MYO1D: variants seen among roughly 807,000 people sequenced by gnomAD.
MYO1D encodes the protein myosin ID.
MYO1D carries 83 observed loss-of-function variants against 122.0 expected under a neutral mutation model. The observed-to-expected ratio is 0.68, with a 90% CI of 0.57 to 0.82. MYO1D has a LOEUF of 0.82. Ranked by LOEUF, MYO1D falls within the 40% of genes least tolerant of loss-of-function variation. The pLI, the probability that MYO1D is intolerant of heterozygous loss-of-function variation, is 0.00. For missense variants in MYO1D, 1,157 were observed against 1,269.5 expected (o/e 0.91, Z 1.35); for synonymous variants, 464 against 446.9 (o/e 1.04, Z -0.48).
At chr17:32,770,200 T>C (rs1201859403) in intron 6 of MYO1D, among the ~76,000 whole-genome samples, 2 of 152,198 alleles carry the variant, frequency 1.3e-5, no homozygotes, top group African/African-American at 2.4e-5. Flanking sequence ...GCAATAAAAA[T>C]ACAGCTAAAC....
At chr17:32,836,567 T>C (rs1482641571) in intron 1 of MYO1D, among the ~76,000 whole-genome samples, 1 of 152,204 alleles carries the variant, frequency 6.6e-6, no homozygotes, top group Non-Finnish European at 1.5e-5. Context: ...AGTGGAATCA[T>C]TTAGTATGTA....
intron 21 of MYO1D, among the ~76,000 whole-genome samples, chr17:32,598,023 G>A (rs2087519078): frequency 6.6e-6 from 1 of 151,926 alleles, no homozygotes; most frequent in Admixed American, 6.6e-5. Flanking sequence ...TTCTTGTATT[G>A]GTAGCATTTA....
intron 1 of MYO1D, among the ~76,000 whole-genome samples, chr17:32,819,752 G>A (rs982037747): frequency 6.6e-6 from 1 of 152,092 alleles, no homozygotes; most frequent in African/African-American, 2.4e-5. Flanking sequence ...GAAGCTTTGA[G>A]TATGAGCCAG....
intron 1 of MYO1D, among the ~76,000 whole-genome samples, chr17:32,814,814 T>C (rs1487153351): frequency 6.6e-6 from 1 of 152,224 alleles, no homozygotes; most frequent in Non-Finnish European, 1.5e-5. Flanking sequence ...ATTAGTCCAA[T>C]ACAAACGTTT....
At chr17:32,703,810 A>C (rs1350889806) in intron 16 of MYO1D, among the ~76,000 whole-genome samples, 4 of 152,200 alleles carry the variant, frequency 2.6e-5, no homozygotes, top group Non-Finnish European at 2.9e-5. Context: ...GTTAATTATT[A>C]GTTAAAAGTT....
chr17:32,502,005 C>T (rs1049140788), intron 21 of MYO1D, among the ~76,000 whole-genome samples: 4 of 152,176 alleles, frequency 2.6e-5, no homozygotes, highest in East Asian at 1.9e-4. Context: ...GGAATTGAAT[C>T]GGAGGACACC....
At chr17:32,838,844 T>C (rs2090851783) in intron 1 of MYO1D, among the ~76,000 whole-genome samples, 1 of 152,222 alleles carries the variant, frequency 6.6e-6, no homozygotes, top group Non-Finnish European at 1.5e-5. Flanking sequence ...CAAACTTTTC[T>C]ATGCTACTTT....
At chr17:32,536,812 C>G (rs538601536) in intron 21 of MYO1D, among the ~76,000 whole-genome samples, 1 of 152,266 alleles carries the variant, frequency 6.6e-6, no homozygotes, top group South Asian at 2.1e-4. Flanking sequence ...GTTACTGATT[C>G]CTTTTAAGCT....
At chr17:32,652,785 A>G (rs909718076) in intron 19 of MYO1D, among the ~76,000 whole-genome samples, 79 of 152,130 alleles carry the variant, frequency 5.2e-4, no homozygotes, top group Non-Finnish European at 2.1e-4. Flanking sequence ...CCGAATCTCA[A>G]TATGCCCTAC....
At chr17:32,699,087 C>A (rs1285698525) in intron 16 of MYO1D, among the ~76,000 whole-genome samples, 1 of 152,108 alleles carries the variant, frequency 6.6e-6, no homozygotes, top group African/African-American at 2.4e-5. Flanking sequence ...CCTGCCTCAG[C>A]CTGAATAGCT....
intron 1 of MYO1D, among the ~76,000 whole-genome samples, chr17:32,789,011 TTG>T (rs2090325480): frequency 8.3e-6 from 1 of 120,310 alleles, no homozygotes; most frequent in Non-Finnish European, 1.8e-5. Context: ...TTGTTTTGTT[TTG>T]TTTTTTTAGC....
At chr17:32,512,246 G>A (rs1909720042) in intron 21 of MYO1D, among the ~76,000 whole-genome samples, 1 of 151,896 alleles carries the variant, frequency 6.6e-6, no homozygotes, top group Non-Finnish European at 1.5e-5. Flanking sequence ...GTTGCAGTGA[G>A]CAGAGATGGC....
chr17:32,650,723 CT>C (rs1432117999), intron 19 of MYO1D, among the ~76,000 whole-genome samples: 1 of 151,940 alleles, frequency 6.6e-6, no homozygotes, highest in Non-Finnish European at 1.5e-5. Context: ...TATTTTTCAT[CT>C]TTATAACTTC....
At chr17:32,816,094 A>G (rs1446563207) in intron 1 of MYO1D, among the ~76,000 whole-genome samples, 1 of 152,220 alleles carries the variant, frequency 6.6e-6, no homozygotes, top group African/African-American at 2.4e-5. Flanking sequence ...CTATCAGTCA[A>G]TAAATATTTA....
intron 21 of MYO1D, among the ~76,000 whole-genome samples, chr17:32,530,402 GAA>G (rs758191203): frequency 2.6e-5 from 4 of 152,194 alleles, no homozygotes; most frequent in Non-Finnish European, 5.9e-5. Context: ...TACATGATGA[GAA>G]GAGAAAAAAT....
intron 1 of MYO1D, among the ~76,000 whole-genome samples, chr17:32,856,314 T>A (rs2091027312): frequency 6.6e-6 from 1 of 152,182 alleles, no homozygotes; most frequent in Non-Finnish European, 1.5e-5. Flanking sequence ...CTCTCTGTCC[T>A]CTCAAATGTC....
intron 16 of MYO1D, among the ~76,000 whole-genome samples, chr17:32,691,948 T>C (rs992478499): frequency 6.6e-6 from 1 of 152,200 alleles, no homozygotes; most frequent in Non-Finnish European, 1.5e-5. Flanking sequence ...GGTGAAAATA[T>C]GGTTGCTGGC....
At position 32,712,243 on chromosome 17, in the gene MYO1D, T is replaced by C. The variant is rs772211732; in HGVS notation, c.1914-48A>G. On this transcript the variant is annotated intron_variant, in intron 15 of 21. Transcript: ENST00000318217. ...GTTAAGGGAGAAAACCATATGGTCATCTCAATAGAAAACTATTCAATAAAA... is the reference window on the plus strand; with the variant it reads ...GTTAAGGGAGAAAACCATATGGTCACCTCAATAGAAAACTATTCAATAAAA... 6 of 1,503,014 alleles carry C rather than the reference T, an allele frequency of 4.0e-6. No individual in the cohort carries two copies. The South Asian group carries it at 6.9e-5, about 17-fold the overall frequency. The allele number at this position is 1,503,014 out of a possible 1,614,324, so 93.1% of individuals were successfully genotyped here.
chr17:32,780,818 T>A lies in MYO1D; in HGVS notation c.96-34A>T, dbSNP rs764478226. On this transcript the variant is annotated intron_variant, in intron 1 of 21. Transcript: ENST00000318217. ...AAGCAAAAGAAAAGGAAGACGTAGC[T>A]GTGGTTACAGAGAAATGATGTATCT... The A allele has an allele frequency of 1.9e-6, 3 of 1,596,804 alleles. No individual in the cohort carries two copies. In the South Asian group the frequency reaches 3.3e-5, roughly 18 times the overall value.
Sources: allele counts gnomAD v4.1 joint callset (sites outside exome capture counted in the v4.1 genomes callset), GRCh38; gene constraint gnomAD v4.1.1; transcripts MANE v1.5; gene names NCBI Gene and HGNC (gene_info 2026-07-23, HGNC 2026-07-21).